The following SPAG16 variants were observed in gnomAD, a reference collection of about 807,000 sequenced individuals.
SPAG16 encodes sperm-associated antigen 16 protein.
SPAG16 carries 86 observed loss-of-function variants against 80.4 expected under a neutral mutation model. The observed-to-expected ratio is 1.07, with a 90% CI of 0.90 to 1.28. The LOEUF is 1.28. Ranked by LOEUF, SPAG16 falls within the 50% of genes most tolerant of loss-of-function variation. The probability of loss-of-function intolerance (pLI) is 0.00; values close to 1 mark genes in which losing one functional copy is unlikely to be tolerated. For missense variants in SPAG16, 870 were observed against 765.3 expected (o/e 1.14, Z -1.61); for synonymous variants, 294 against 265.9 (o/e 1.11, Z -1.03).
At chr2:213,516,690 C>A (rs1473434285) in intron 10 of SPAG16, among the ~76,000 whole-genome samples, 2 of 152,082 alleles carry the variant, frequency 1.3e-5, no homozygotes, top group African/African-American at 4.8e-5. Flanking sequence ...AATGCAATAA[C>A]CACATAAGGG....
intron 12 of SPAG16, among the ~76,000 whole-genome samples, chr2:214,001,537 A>G (rs914997200): frequency 6.6e-6 from 1 of 152,196 alleles, no homozygotes; most frequent in Non-Finnish European, 1.5e-5. Flanking sequence ...ATATGTAACC[A>G]TTTTACTTAG....
At chr2:213,605,842 A>G (rs549552793) in intron 10 of SPAG16, among the ~76,000 whole-genome samples, 1 of 152,318 alleles carries the variant, frequency 6.6e-6, no homozygotes, top group East Asian at 1.9e-4. Context: ...TATACATAGT[A>G]AAGTACACAA....
intron 13 of SPAG16, among the ~76,000 whole-genome samples, chr2:214,041,970 C>CTG (rs199736767): frequency 0.23 from 21,433 of 91,586 alleles, 1,604 homozygotes; most frequent in South Asian, 0.29. Context: ...ATTTGTGTGT[C>CTG]TGTGTGTGTA....
At chr2:213,894,612 G>A (rs1487902258) in intron 11 of SPAG16, among the ~76,000 whole-genome samples, 3 of 152,036 alleles carry the variant, frequency 2.0e-5, no homozygotes, top group African/African-American at 7.2e-5. Flanking sequence ...AATTAGGTAA[G>A]AAAAGGAAAT....
chr2:214,140,614 G>A (rs975945922), intron 14 of SPAG16, among the ~76,000 whole-genome samples: 4 of 151,752 alleles, frequency 2.6e-5, no homozygotes, highest in African/African-American at 9.7e-5. Context: ...ATTTTAAAAC[G>A]TCATTTGTCT....
At chr2:213,592,901 C>G (rs1295323210) in intron 10 of SPAG16, among the ~76,000 whole-genome samples, 1 of 152,204 alleles carries the variant, frequency 6.6e-6, no homozygotes, top group Non-Finnish European at 1.5e-5. Flanking sequence ...TTGAACGCAG[C>G]TCTTCTAACA....
intron 10 of SPAG16, among the ~76,000 whole-genome samples, chr2:213,824,155 T>C (rs6743402): frequency 0.25 from 38,710 of 152,160 alleles, 5,366 homozygotes; most frequent in Middle Eastern, 0.39. Flanking sequence ...CCCAGCACCA[T>C]TTACTGAATA....
At chr2:213,401,290 C>T (rs1030039862) in intron 9 of SPAG16, among the ~76,000 whole-genome samples, 5 of 152,202 alleles carry the variant, frequency 3.3e-5, no homozygotes, top group African/African-American at 4.8e-5. Context: ...TCTTCAGAAA[C>T]ATTAGATAAT....
At chr2:214,227,205 T>A (rs1055020801) in intron 15 of SPAG16, among the ~76,000 whole-genome samples, 8 of 152,214 alleles carry the variant, frequency 5.3e-5, no homozygotes, top group African/African-American at 1.9e-4. Context: ...CAAATAATAG[T>A]GATTATGGAA....
At chr2:214,029,551 G>A (rs1471217708) in intron 13 of SPAG16, among the ~76,000 whole-genome samples, 3 of 152,034 alleles carry the variant, frequency 2.0e-5, no homozygotes, top group African/African-American at 7.2e-5. Context: ...TGCAAAAGAT[G>A]ACAATGGATG....
At chr2:214,123,542 A>G (rs780332017) in intron 14 of SPAG16, among the ~76,000 whole-genome samples, 2 of 152,158 alleles carry the variant, frequency 1.3e-5, no homozygotes, top group Non-Finnish European at 2.9e-5. Flanking sequence ...CTAAATAGTG[A>G]GAGTTCAGCA....
intron 15 of SPAG16, among the ~76,000 whole-genome samples, chr2:214,246,274 A>T (rs1206521223): frequency 6.6e-6 from 1 of 152,120 alleles, no homozygotes; most frequent in Non-Finnish European, 1.5e-5. Context: ...GCTATGGCAG[A>T]TTCAGATTGT....
intron 8 of SPAG16, among the ~76,000 whole-genome samples, chr2:213,369,425 A>T (rs2125164114): frequency 6.6e-6 from 1 of 152,320 alleles, no homozygotes; most frequent in South Asian, 2.1e-4. Flanking sequence ...AAGGAAAATA[A>T]ATTGAGGTGT....
chr2:214,023,910 A>T (rs1370021311), intron 13 of SPAG16, among the ~76,000 whole-genome samples: 2 of 151,758 alleles, frequency 1.3e-5, no homozygotes, highest in East Asian at 3.8e-4. Flanking sequence ...AATTGAATTA[A>T]TTATAATGAC....
Position 213,749,343 on chromosome 2 carries a change from A to C in SPAG16, c.1071-113142A>C, listed in dbSNP as rs373809321. On this transcript the variant is annotated intron_variant, in intron 10 of 15. Transcript: ENST00000331683. ...TATATTTTTCTGTATTCTCCCAGTT[A>C]ACATATCCTGGCAGCATAAATGAAA... is the stretch of plus-strand genomic sequence containing the variant. 2.0e-4 allele frequency among the ~76,000 whole-genome samples: 30 copies of C among 152,116 alleles called. 1 individual carries two copies. Among genetic ancestry groups the C allele is most frequent in the Non-Finnish European group, 1.0e-4 (7 of 68,024 alleles).
intron 10 of SPAG16, among the ~76,000 whole-genome samples, chr2:213,529,397 T>C (rs1363790744): frequency 1.3e-5 from 2 of 152,202 alleles, no homozygotes; most frequent in East Asian, 1.9e-4. Flanking sequence ...ATCAATCTGA[T>C]GTCACTGATG....
Position 213,867,861 on chromosome 2 carries a change from G to A in SPAG16, c.1214+5233G>A, listed in dbSNP as rs190651676. The stretch of plus-strand genomic sequence containing the variant: ...ATGGCATGAACCTGGGAGGTGGAGC[G>A]TGCAGTGAGCTGAGATCGCGCCACT... On this transcript the variant is annotated intron_variant, in intron 11 of 15. Coordinates refer to ENST00000331683, the MANE Select transcript of SPAG16 (RefSeq NM_024532.5). 8.5e-4 allele frequency among the ~76,000 whole-genome samples: 122 copies of A among 143,506 alleles called. 2 individuals carry two copies. The highest frequency in any genetic ancestry group is 1.5e-4 in the African/African-American group (6 of 39,066). 94.1% of individuals were successfully genotyped at this position (143,506 alleles called of 152,430 possible). A position where few individuals can be genotyped will look rare whatever the true frequency, so the allele number is the denominator to read the frequency against.
In SPAG16 at chr2:214,410,499, T is replaced by C; in HGVS notation, c.*184T>C. On this transcript the variant is annotated 3_prime_UTR_variant, in exon 16 of 16. Transcript: ENST00000331683. The stretch of plus-strand genomic sequence containing the variant: ...TACTAATAAAAAAATAACTTTATGC[T>C]CACCCATTTGTGTCAGGGTCTTTTT... 2.2e-6 allele frequency: 1 copy of C among 459,520 alleles called. No homozygotes were observed. Among genetic ancestry groups the C allele is most frequent in the Non-Finnish European group, 3.7e-6 (1 of 270,246 alleles). The allele number at this position is 459,520 out of a possible 1,614,324, so 28.5% of individuals were successfully genotyped here. A position where few individuals can be genotyped will look rare whatever the true frequency, so the allele number is the denominator to read the frequency against.
intron 9 of SPAG16, among the ~76,000 whole-genome samples, chr2:213,449,940 T>C (rs944252329): frequency 3.6e-4 from 55 of 152,338 alleles, no homozygotes; most frequent in African/African-American, 1.3e-3. Flanking sequence ...TATTTTATTT[T>C]CCACCAACAT....
Sources: allele counts gnomAD v4.1 joint callset (sites outside exome capture counted in the v4.1 genomes callset), GRCh38; gene constraint gnomAD v4.1.1; transcripts MANE v1.5; gene names NCBI Gene and HGNC (gene_info 2026-07-23, HGNC 2026-07-21).